RIMBP2: variants seen among roughly 807,000 people sequenced by gnomAD.
RIMBP2 encodes the protein RIMS-binding protein 2.
A neutral mutation model predicts 118.6 loss-of-function variants in RIMBP2; 48 were observed. The ratio of observed to expected loss-of-function variants is 0.40; its 90% confidence interval spans 0.32 to 0.51. The LOEUF (loss-of-function observed/expected upper bound fraction) is 0.51, where lower values mean the gene tolerates loss of function less well. Among genes scored for constraint, RIMBP2 ranks in the 20% least tolerant of loss-of-function variants. The pLI, the probability that RIMBP2 is intolerant of heterozygous loss-of-function variation, is 0.41. For synonymous variants in RIMBP2, 762 were observed against 742.9 expected (o/e 1.03, Z -0.42); for missense variants, 1,551 against 1,768.3 (o/e 0.88, Z 2.20).
At chr12:130,594,944 T>C (rs11832296) in intron 2 of RIMBP2, among the ~76,000 whole-genome samples, 27,571 of 152,118 alleles carry the variant, frequency 0.18, 3,657 homozygotes, top group East Asian at 0.36. Context: ...ACAGCAATGG[T>C]AATTATTGTA....
At chr12:130,706,186 A>G (rs891972051) in intron 1 of RIMBP2, among the ~76,000 whole-genome samples, 11 of 152,244 alleles carry the variant, frequency 7.2e-5, no homozygotes, top group Non-Finnish European at 1.3e-4. Flanking sequence ...CATTGAAGTC[A>G]TTTAATCATC....
intron 1 of RIMBP2, among the ~76,000 whole-genome samples, chr12:130,665,337 C>A (rs956412626): frequency 1.3e-5 from 2 of 151,432 alleles, no homozygotes; most frequent in Admixed American, 6.6e-5. Context: ...CCAGCCCGGG[C>A]AACATGGTGA....
intron 2 of RIMBP2, among the ~76,000 whole-genome samples, chr12:130,604,469 CTCCACTCACTCACTCACT>C (rs1430323416): frequency 7.1e-6 from 1 of 140,308 alleles, no homozygotes; most frequent in Admixed American, 7.3e-5. Flanking sequence ...CACATTCACT[CTCCACTCACTCACTCACT>C]CACTCACTCA....
intron 6 of RIMBP2, among the ~76,000 whole-genome samples, chr12:130,462,128 T>C (rs1447480796): frequency 2.0e-5 from 3 of 151,612 alleles, no homozygotes; most frequent in Non-Finnish European, 1.5e-5. Flanking sequence ...GTGTGGGGGG[T>C]CAGGTTGGAT....
At chr12:130,682,974 G>C (rs920676749) in intron 1 of RIMBP2, among the ~76,000 whole-genome samples, 3 of 152,196 alleles carry the variant, frequency 2.0e-5, no homozygotes, top group African/African-American at 7.2e-5. Context: ...AAGCTGATGG[G>C]CTTATTTTGT....
At chr12:130,563,154 T>C (rs1328047717) in intron 2 of RIMBP2, among the ~76,000 whole-genome samples, 1 of 152,218 alleles carries the variant, frequency 6.6e-6, no homozygotes, top group African/African-American at 2.4e-5. Flanking sequence ...CATCTTAAAA[T>C]CTTAAGTGCA....
At chr12:130,647,183 T>C (rs1555317802) in intron 1 of RIMBP2, among the ~76,000 whole-genome samples, 1 of 152,092 alleles carries the variant, frequency 6.6e-6, no homozygotes, top group Non-Finnish European at 1.5e-5. Context: ...GCCAACATGG[T>C]GAAACCCTGC....
chr12:130,414,942 G>T (rs574999947), intron 17 of RIMBP2, among the ~76,000 whole-genome samples: 1 of 152,220 alleles, frequency 6.6e-6, no homozygotes, highest in South Asian at 2.1e-4. Flanking sequence ...CAATATTGAT[G>T]AAATGAATTC....
At chr12:130,705,343 C>T (rs555341375) in intron 1 of RIMBP2, among the ~76,000 whole-genome samples, 23 of 152,318 alleles carry the variant, frequency 1.5e-4, no homozygotes, top group Admixed American at 5.2e-4. Context: ...CCAGTCACCA[C>T]GCAACAAAGA....
chr12:130,484,580 C>T (rs2082324222), intron 4 of RIMBP2, among the ~76,000 whole-genome samples: 1 of 152,240 alleles, frequency 6.6e-6, no homozygotes, highest in Non-Finnish European at 1.5e-5. Context: ...GTGTCCCTGT[C>T]CCCACAATGG....
chr12:130,650,908 AT>A (rs2063200987), intron 1 of RIMBP2, among the ~76,000 whole-genome samples: 1 of 149,862 alleles, frequency 6.7e-6, no homozygotes, highest in Non-Finnish European at 1.5e-5. Context: ...TATCAGAGAG[AT>A]TTCAAGCAGC....
intron 1 of RIMBP2, among the ~76,000 whole-genome samples, chr12:130,639,087 G>T (rs536803068): frequency 1.3e-4 from 20 of 152,208 alleles, no homozygotes; most frequent in East Asian, 1.9e-4. Context: ...ACCTAAAACT[G>T]CTCTTTTAAT....
intron 22 of RIMBP2, 66 bp downstream of exon 22, chr12:130,399,613 A>G (rs2074336495): frequency 1.3e-6 from 2 of 1,552,646 alleles, no homozygotes; most frequent in Non-Finnish European, 1.8e-6. Flanking sequence ...ATCAGTGCAA[A>G]GATTGTATTA....
At chr12:130,462,103 A>C (rs918166620) in intron 6 of RIMBP2, among the ~76,000 whole-genome samples, 2 of 152,200 alleles carry the variant, frequency 1.3e-5, no homozygotes, top group African/African-American at 2.4e-5. Flanking sequence ...ACACTCCCGC[A>C]TCAGCAGGTT....
chr12:130,576,726 C>T lies in RIMBP2; in HGVS notation c.-217+51596G>A, dbSNP rs912959438. 5.9e-5 allele frequency among the ~76,000 whole-genome samples: 9 copies of T among 152,192 alleles called. No individual in the cohort carries two copies. The East Asian group carries it at 1.5e-3, about 26-fold the overall frequency. The stretch of plus-strand genomic sequence containing the variant: ...CAGCAGCAGCGAGGAGGAGCCCCGC[C>T]GAGCGCCGAGAGGCATATGTGCGCA... On this transcript the variant is annotated intron_variant, in intron 2 of 22. Coordinates refer to ENST00000690449, the MANE Select transcript of RIMBP2 (RefSeq NM_001393629.1). This position sits in a 1 kb window ranked among gnomAD's most constrained non-coding sequence, Gnocchi z 4.2.
At chr12:130,714,647 G>A (rs2136929347) in intron 1 of RIMBP2, among the ~76,000 whole-genome samples, 1 of 152,272 alleles carries the variant, frequency 6.6e-6, no homozygotes, top group Admixed American at 6.5e-5. Flanking sequence ...GGCCCCAGGC[G>A]GCTGCCATAT....
In RIMBP2 at chr12:130,399,725, G is replaced by A. The variant is rs2074349341; in HGVS notation, c.3854C>T (p.Pro1285Leu). ...TGGCGTATCTTGAGAGTAGTGGGATGGAGCATCAGAAAGATAGACTTCTAC... is the reference window on the plus strand; with the variant it reads ...TGGCGTATCTTGAGAGTAGTGGGATAGAGCATCAGAAAGATAGACTTCTAC... ...DDVEVYLSDA[P>L]SHYSQDTPMR... Residue 1285 changes from proline (P) to leucine (L), a missense_variant, in exon 22 of 23, where the codon CCA (proline) becomes CTA (leucine). Pro to Leu is a moderately conservative substitution (Grantham distance 98). This residue lies in a region of RIMBP2 where 1,038 missense variants were observed against 1,125.1 expected (regional missense o/e 0.92). Coordinates refer to ENST00000690449, the MANE Select transcript of RIMBP2 (RefSeq NM_001393629.1). The A allele has an allele frequency of 1.2e-6, 2 of 1,614,028 alleles. No individual in the cohort carries two copies. The highest frequency in any genetic ancestry group is 8.5e-7 in the Non-Finnish European group (1 of 1,180,028).
At chr12:130,439,838 TGTATCTGTGAGTCTGTGG>T (rs2077955516) in intron 11 of RIMBP2, among the ~76,000 whole-genome samples, 1 of 144,940 alleles carries the variant, frequency 6.9e-6, no homozygotes, top group African/African-American at 2.6e-5. Flanking sequence ...TGTGTGTATG[TGTATCTGTGAGTCTGTGG>T]GGGTGTCTGT....
intron 1 of RIMBP2, among the ~76,000 whole-genome samples, chr12:130,709,727 C>T (rs371527301): frequency 3.3e-5 from 5 of 152,048 alleles, no homozygotes; most frequent in Non-Finnish European, 5.9e-5. Flanking sequence ...TGAGGAAACC[C>T]CCCCCCTTCC....
Sources: allele counts gnomAD v4.1 joint callset (sites outside exome capture counted in the v4.1 genomes callset), GRCh38; gene constraint gnomAD v4.1.1; regional missense constraint gnomAD v4.1.1; non-coding constraint Gnocchi (gnomAD v3.1); transcripts MANE v1.5; gene names NCBI Gene and HGNC (gene_info 2026-07-23, HGNC 2026-07-21).